ASAP1: variants seen among roughly 807,000 people sequenced by gnomAD.
ASAP1 encodes ArfGAP with SH3 domain, ankyrin repeat and PH domain 1, also known as arf-GAP with SH3 domain, ANK repeat and PH domain-containing protein 1.
In ASAP1, 43 loss-of-function variants were observed where a neutral mutation model predicts 145.2. The observed-to-expected ratio is 0.30, with a 90% CI of 0.23 to 0.38. The LOEUF is 0.38. Among genes scored for constraint, ASAP1 ranks in the 10% least tolerant of loss-of-function variants. ASAP1 has a pLI of 1.00. For synonymous variants in ASAP1, 546 were observed against 515.5 expected (o/e 1.06, Z -0.80); for missense variants, 1,018 against 1,355.3 (o/e 0.75, Z 3.91).
intron 3 of ASAP1, among the ~76,000 whole-genome samples, chr8:130,276,728 A>ACACACACACACTCTCTCTCTCTCTCT (rs548512902): frequency 3.4e-5 from 3 of 87,316 alleles, no homozygotes; most frequent in Non-Finnish European, 6.6e-5. Context: ...ACACACACAC[A>ACACACACACACTCTCTCTCTCTCTCT]CTCTCTCTCT....
chr8:130,300,184 A>AGAGAGCGAGC (rs761456724), intron 3 of ASAP1, among the ~76,000 whole-genome samples: 9 of 140,272 alleles, frequency 6.4e-5, no homozygotes, highest in African/African-American at 2.5e-4. Context: ...AGAGAGAGAG[A>AGAGAGCGAGC]GAGCGAGCGA....
At chr8:130,213,406 G>T (rs1015322170) in intron 5 of ASAP1, among the ~76,000 whole-genome samples, 26 of 152,312 alleles carry the variant, frequency 1.7e-4, no homozygotes, top group African/African-American at 6.0e-4. Flanking sequence ...GGTTAATGGA[G>T]TGTAGAAAGG....
rs181173661 is a variant in ASAP1, at chr8:130,371,978, T to C, written c.60-13835A>G. Among the ~76,000 whole-genome samples, 14 of 152,350 alleles carry C rather than the reference T, an allele frequency of 9.2e-5. No homozygotes were observed. In the East Asian group the frequency reaches 2.5e-3, roughly 27 times the overall value. ...AGAAGTGGTCAAATGAGAAGCATTCTACCAGAGTCATTTTCCCAACTAGTC... is the reference window on the plus strand; with the variant it reads ...AGAAGTGGTCAAATGAGAAGCATTCCACCAGAGTCATTTTCCCAACTAGTC... On this transcript the variant is annotated intron_variant, in intron 2 of 29. Transcript: ENST00000518721.
intron 3 of ASAP1, among the ~76,000 whole-genome samples, chr8:130,309,501 C>T (rs1039396851): frequency 7.2e-5 from 11 of 151,992 alleles, no homozygotes; most frequent in African/African-American, 2.2e-4. Context: ...AGATGAGGCA[C>T]GGTATGCAAC....
At position 130,313,530 on chromosome 8, in the gene ASAP1, T is replaced by C. The variant is rs545168086; in HGVS notation, c.186+44487A>G. ...TATCTGCCGAGTAACAGACTACCCT[T>C]GTGGGATTCTCAAATTACAGTTATA... On this transcript the variant is annotated intron_variant, in intron 3 of 29. Coordinates refer to ENST00000518721, the MANE Select transcript of ASAP1 (RefSeq NM_018482.4). Among the ~76,000 whole-genome samples the C allele has an allele frequency of 5.3e-5, 8 of 152,310 alleles. No individual in the cohort carries two copies. In the East Asian group the frequency reaches 1.5e-3, roughly 29 times the overall value.
chr8:130,347,436 C>T (rs957391791), intron 3 of ASAP1, among the ~76,000 whole-genome samples: 7 of 152,190 alleles, frequency 4.6e-5, no homozygotes, highest in Non-Finnish European at 8.8e-5. Flanking sequence ...CCTTATATTC[C>T]TACTGATTCT....
intron 13 of ASAP1, 106 bp from the exon 14 acceptor site, chr8:130,137,144 G>C: frequency 1.1e-6 from 1 of 881,902 alleles, no homozygotes; most frequent in Non-Finnish European, 1.9e-6. Flanking sequence ...CTGCTCAGTG[G>C]TACAAAAATA....
chr8:130,076,159 A>C (rs2097461855), intron 27 of ASAP1, among the ~76,000 whole-genome samples, 189 bp downstream of exon 27: 1 of 152,222 alleles, frequency 6.6e-6, no homozygotes, highest in African/African-American at 2.4e-5. Flanking sequence ...GTGCTTTGCT[A>C]ATCACCAAAT....
chr8:130,379,717 G>C (rs149128454), intron 2 of ASAP1, among the ~76,000 whole-genome samples: 13 of 152,196 alleles, frequency 8.5e-5, no homozygotes, highest in African/African-American at 3.1e-4. Flanking sequence ...TACTTCACCA[G>C]AGATGCTGGA....
intron 1 of ASAP1, among the ~76,000 whole-genome samples, 167 bp downstream of exon 1, chr8:130,443,293 G>C (rs1830556941): frequency 6.6e-6 from 1 of 151,812 alleles, no homozygotes; most frequent in Non-Finnish European, 1.5e-5. Context: ...CCCAGGGCCG[G>C]CGCCCTCCCC....
At chr8:130,365,484 G>A (rs747977987) in intron 2 of ASAP1, among the ~76,000 whole-genome samples, 1 of 152,156 alleles carries the variant, frequency 6.6e-6, no homozygotes, top group Non-Finnish European at 1.5e-5. Context: ...CTATAGGAAC[G>A]AGGGATTTAA....
intron 4 of ASAP1, among the ~76,000 whole-genome samples, chr8:130,230,700 TTTTTACTAATCAATTTACTGTAA>T (rs1817862486): frequency 6.6e-6 from 1 of 152,192 alleles, no homozygotes; most frequent in Non-Finnish European, 1.5e-5. Flanking sequence ...ATTGTTATTA[TTTTTACTAATCAATTTACTGTAA>T]TTCAAAAAGA....
chr8:130,089,813 A>G (rs1167448372), intron 25 of ASAP1, among the ~76,000 whole-genome samples: 1 of 152,202 alleles, frequency 6.6e-6, no homozygotes, highest in Admixed American at 6.5e-5. Context: ...GTACACCAAC[A>G]TATGCTTTCT....
intron 1 of ASAP1, among the ~76,000 whole-genome samples, chr8:130,417,455 T>C (rs1829532191): frequency 1.3e-5 from 2 of 152,210 alleles, no homozygotes; most frequent in Non-Finnish European, 2.9e-5. Context: ...GAAGCAGTTT[T>C]CTTGGCTCGC....
intron 5 of ASAP1, among the ~76,000 whole-genome samples, chr8:130,211,061 T>G (rs1379052645): frequency 6.6e-6 from 1 of 152,206 alleles, no homozygotes; most frequent in East Asian, 1.9e-4. Context: ...AGGCGGAAAC[T>G]AGGATTCCAG....
intron 2 of ASAP1, among the ~76,000 whole-genome samples, chr8:130,367,700 A>G (rs1370631347): frequency 1.3e-5 from 2 of 152,184 alleles, no homozygotes; most frequent in African/African-American, 2.4e-5. Flanking sequence ...CAGTGTGACT[A>G]CCAACTCCAA....
intron 3 of ASAP1, among the ~76,000 whole-genome samples, chr8:130,272,545 C>T (rs1038136790): frequency 1.3e-5 from 2 of 152,188 alleles, no homozygotes; most frequent in Non-Finnish European, 2.9e-5. Flanking sequence ...GGGATGCCTG[C>T]ACCCCCATGT....
intron 11 of ASAP1, among the ~76,000 whole-genome samples, chr8:130,165,364 C>A (rs2097677898): frequency 6.6e-6 from 1 of 152,106 alleles, no homozygotes; most frequent in Non-Finnish European, 1.5e-5. Flanking sequence ...CCCCAAAAAA[C>A]CTCACAATAT....
chr8:130,170,178 A>G lies in ASAP1; in HGVS notation c.747-1111T>C, dbSNP rs186616781. ...AGACTGAATGAAGCAATATCAAGAC[A>G]TTTTAAGGAATATCTTTTTTTTTTT... On this transcript the variant is annotated intron_variant, in intron 9 of 29. Transcript: ENST00000518721. Among the ~76,000 whole-genome samples, 13 of 128,078 alleles carry G rather than the reference A, an allele frequency of 1.0e-4. No individual in the cohort carries two copies. In the Admixed American group the frequency reaches 1.1e-3, roughly 11 times the overall value. The allele number at this position is 128,078 out of a possible 152,430, so 84.0% of individuals were successfully genotyped here. A position where few individuals can be genotyped will look rare whatever the true frequency, so the allele number is the denominator to read the frequency against.
Sources: allele counts gnomAD v4.1 joint callset (sites outside exome capture counted in the v4.1 genomes callset), GRCh38; gene constraint gnomAD v4.1.1; transcripts MANE v1.5; gene names NCBI Gene and HGNC (gene_info 2026-07-23, HGNC 2026-07-21).